NOS1AP: variants seen among roughly 807,000 people sequenced by gnomAD.
The protein encoded by NOS1AP is carboxyl-terminal PDZ ligand of neuronal nitric oxide synthase protein.
A neutral mutation model predicts 56.2 loss-of-function variants in NOS1AP; 21 were observed. The observed-to-expected ratio is 0.37, with a 90% CI of 0.26 to 0.54. The LOEUF is 0.54. Among genes scored for constraint, NOS1AP ranks in the 20% least tolerant of loss-of-function variants. The pLI is 0.84. For missense variants in NOS1AP, 522 were observed against 657.8 expected (o/e 0.79, Z 2.26); for synonymous variants, 270 against 274.6 (o/e 0.98, Z 0.17).
rs1436122069 is a variant in NOS1AP at position 162,333,703 on chromosome 1, A to G, written c.453+578A>G. The stretch of plus-strand genomic sequence containing the variant: ...CTGCCTCTCACTGGAACCCTGAGTG[A>G]CGTTATGTAGGTCCCAGCGTTCTCA... On this transcript the variant is annotated intron_variant, in intron 5 of 9. Transcript: ENST00000361897. Among the ~76,000 whole-genome samples, 4 of 152,308 alleles carry G rather than the reference A, an allele frequency of 2.6e-5. No homozygotes were observed. The East Asian group carries it at 7.7e-4, about 29-fold the overall frequency.
intron 2 of NOS1AP, among the ~76,000 whole-genome samples, chr1:162,277,799 G>A (rs1654790353): frequency 6.6e-6 from 1 of 152,088 alleles, no homozygotes; most frequent in Non-Finnish European, 1.5e-5. Flanking sequence ...TCCAGGCAAG[G>A]GATTTAGGGA....
chr1:162,240,244 A>AGTGTGTGTGTGTGTGTGT (rs5778260), intron 2 of NOS1AP, among the ~76,000 whole-genome samples: 177 of 141,294 alleles, frequency 1.3e-3, no homozygotes, highest in African/African-American at 4.6e-3. Flanking sequence ...CTGTGTGGCC[A>AGTGTGTGTGTGTGTGTGT]GTGTGTGTGT....
chr1:162,174,341 TA>T (rs965375468), intron 2 of NOS1AP, among the ~76,000 whole-genome samples: 11 of 136,346 alleles, frequency 8.1e-5, no homozygotes, highest in African/African-American at 3.1e-4. Flanking sequence ...TTCTCACTTA[TA>T]GGTGGGAATT....
chr1:162,093,082 T>G (rs1692168622), intron 1 of NOS1AP, among the ~76,000 whole-genome samples: 1 of 152,202 alleles, frequency 6.6e-6, no homozygotes, highest in Non-Finnish European at 1.5e-5. Flanking sequence ...CTAAATGTTG[T>G]AACATCCCTT....
At position 162,139,314 on chromosome 1, in the gene NOS1AP, C is replaced by G. The variant is rs72713901; in HGVS notation, c.106-15091C>G. 8.5e-3 allele frequency among the ~76,000 whole-genome samples: 1,298 copies of G among 152,196 alleles called. 11 individuals carry two copies. Among genetic ancestry groups the G allele is most frequent in the South Asian group, 0.022 (106 of 4,802 alleles). ...CTCTGGGTTGGAAGCCAATGTGGCC[C>G]TGTGGCTTGCTTCCTGTTTGTTTTT... On this transcript the variant is annotated intron_variant, in intron 1 of 9. Transcript: ENST00000361897.
rs138661303 is a variant in NOS1AP, at chr1:162,307,667, C to T, written c.344+6961C>T. On this transcript the variant is annotated intron_variant, in intron 4 of 9. Transcript: ENST00000361897. ...AAATACAGAAATACACTGTAATAGC[C>T]AGGCGTGGTGGTGGGTGCCTGTAGT... 1.1e-3 allele frequency among the ~76,000 whole-genome samples: 160 copies of T among 152,110 alleles called. 2 individuals are homozygous for T. Among genetic ancestry groups the T allele is most frequent in the African/African-American group, 3.4e-3 (140 of 41,524 alleles).
chr1:162,105,820 C>T (rs1647482888), intron 1 of NOS1AP, among the ~76,000 whole-genome samples: 1 of 152,226 alleles, frequency 6.6e-6, no homozygotes, highest in Non-Finnish European at 1.5e-5. Context: ...CTGGGAACAC[C>T]ATCCTGACTC....
intron 2 of NOS1AP, among the ~76,000 whole-genome samples, chr1:162,202,905 G>C (rs1435719419): frequency 1.3e-5 from 2 of 152,122 alleles, no homozygotes; most frequent in East Asian, 1.9e-4. Flanking sequence ...TTGGATACAG[G>C]GGCTCAACTG....
At chr1:162,334,997 A>T (rs546186072) in intron 5 of NOS1AP, among the ~76,000 whole-genome samples, 2 of 150,340 alleles carry the variant, frequency 1.3e-5, no homozygotes, top group Admixed American at 1.3e-4. Flanking sequence ...AGCAATACGG[A>T]CGCAGTGGGG....
intron 2 of NOS1AP, among the ~76,000 whole-genome samples, chr1:162,266,839 T>A (rs1654438517): frequency 6.6e-6 from 1 of 152,234 alleles, no homozygotes; most frequent in Non-Finnish European, 1.5e-5. Context: ...AGGGGATACC[T>A]TTTTCTAGTC....
At chr1:162,182,997 A>G (rs1651312297) in intron 2 of NOS1AP, among the ~76,000 whole-genome samples, 1 of 152,180 alleles carries the variant, frequency 6.6e-6, no homozygotes. Flanking sequence ...TCTTTTCCAG[A>G]AGGTTTTCAA....
At chr1:162,074,286 A>C (rs1262953134) in intron 1 of NOS1AP, among the ~76,000 whole-genome samples, 1 of 152,174 alleles carries the variant, frequency 6.6e-6, no homozygotes, top group East Asian at 1.9e-4. Flanking sequence ...CTTAATCCTC[A>C]CACTCCAGGG....
intron 2 of NOS1AP, among the ~76,000 whole-genome samples, chr1:162,223,596 C>T (rs1165446313): frequency 6.6e-6 from 1 of 152,084 alleles, no homozygotes; most frequent in African/African-American, 2.4e-5. Context: ...GTTAATTAAA[C>T]TGATTAAGAC....
chr1:162,314,083 A>C (rs1656150114), intron 4 of NOS1AP, among the ~76,000 whole-genome samples: 1 of 152,188 alleles, frequency 6.6e-6, no homozygotes, highest in Non-Finnish European at 1.5e-5. Context: ...TGCTGCACTA[A>C]AATATTCATC....
At chr1:162,327,461 A>G (rs1439471212) in intron 4 of NOS1AP, among the ~76,000 whole-genome samples, 1 of 152,232 alleles carries the variant, frequency 6.6e-6, no homozygotes, top group Admixed American at 6.5e-5. Flanking sequence ...GCAAACCTGC[A>G]TCAGGAATTA....
chr1:162,210,764 A>G (rs529589417), intron 2 of NOS1AP, among the ~76,000 whole-genome samples: 8 of 152,356 alleles, frequency 5.3e-5, no homozygotes, highest in African/African-American at 1.9e-4. Context: ...TCTGGTTGGC[A>G]GGGCATGAGT....
chr1:162,212,737 G>A (rs559996136), intron 2 of NOS1AP, among the ~76,000 whole-genome samples: 1 of 152,292 alleles, frequency 6.6e-6, no homozygotes, highest in East Asian at 1.9e-4. Flanking sequence ...GTGAGTGGGT[G>A]GAGGATAGCC....
intron 1 of NOS1AP, among the ~76,000 whole-genome samples, chr1:162,072,286 C>A (rs539566450): frequency 5.3e-5 from 8 of 152,158 alleles, no homozygotes; most frequent in Non-Finnish European, 8.8e-5. Flanking sequence ...GTACCTTTAA[C>A]GAGCATTCCA....
chr1:162,345,364 A>T (rs1219225288), intron 6 of NOS1AP, among the ~76,000 whole-genome samples: 1 of 132,510 alleles, frequency 7.5e-6, no homozygotes, highest in Non-Finnish European at 1.5e-5. Context: ...TGTCCATGTG[A>T]TCTCATTGTT....
Sources: allele counts gnomAD v4.1 joint callset (sites outside exome capture counted in the v4.1 genomes callset), GRCh38; gene constraint gnomAD v4.1.1; transcripts MANE v1.5; gene names NCBI Gene and HGNC (gene_info 2026-07-23, HGNC 2026-07-21).